Variants in PTAR1 observed in about 807,000 individuals in gnomAD.
The protein encoded by PTAR1 is protein prenyltransferase alpha subunit repeat-containing protein 1.
Under a neutral mutation model 45.5 loss-of-function variants are expected in PTAR1, and 17 were observed. That is an observed-to-expected ratio of 0.37 (90% CI 0.26 to 0.56). The LOEUF (loss-of-function observed/expected upper bound fraction) is 0.56, where lower values mean the gene tolerates loss of function less well. PTAR1 is among the 20% of genes least tolerant of loss of function. PTAR1 has a pLI of 0.77. For missense variants in PTAR1, 391 were observed against 476.3 expected, an observed-to-expected ratio of 0.82 and a Z score of 1.67; for synonymous variants, 169 against 171.3, an observed-to-expected ratio of 0.99 and a Z score of 0.11.
At chr9:69,723,957 C>T (rs547164442) in intron 5 of PTAR1, among the ~76,000 whole-genome samples, 1 of 152,084 alleles carries the variant, frequency 6.6e-6, no homozygotes, top group African/African-American at 2.4e-5. Flanking sequence ...TAATGATGAG[C>T]ATTAGGGTAT....
Position 69,723,306 on chromosome 9 carries a change from T to TA in PTAR1, c.947+19dup. On this transcript the variant is annotated intron_variant, in intron 6 of 7. Coordinates refer to ENST00000340434, the MANE Select transcript of PTAR1 (RefSeq NM_001099666.2). The stretch of plus-strand genomic sequence containing the variant: ...AAGACATGCAGTTTTGTGTAGGAAA[T>TA]AGATTTTCCCTTTTCTTACCTATGA... 2 of 1,601,886 alleles carry TA rather than the reference T, an allele frequency of 1.2e-6. No homozygotes were observed.
chr9:69,726,969 T>C (rs1224443640), intron 5 of PTAR1, among the ~76,000 whole-genome samples: 1 of 151,786 alleles, frequency 6.6e-6, no homozygotes, highest in African/African-American at 2.4e-5. Flanking sequence ...TTCTTTTTTT[T>C]CTTTTCTCCC....
intron 3 of PTAR1, among the ~76,000 whole-genome samples, chr9:69,741,079 T>C (rs193185506): frequency 5.5e-4 from 84 of 152,188 alleles, no homozygotes; most frequent in Admixed American, 1.2e-3. Context: ...CCCTAGAAAA[T>C]AGAATGTCTC....
intron 6 of PTAR1, among the ~76,000 whole-genome samples, chr9:69,721,161 T>C (rs1824982766): frequency 6.6e-6 from 1 of 152,206 alleles, no homozygotes; most frequent in African/African-American, 2.4e-5. Flanking sequence ...TTAAGAACGT[T>C]TGTGATTCAT....
At chr9:69,718,802 T>C (rs959505101) in intron 6 of PTAR1, 118 bp from the exon 7 acceptor site, 1 of 671,646 alleles carries the variant, frequency 1.5e-6, no homozygotes, top group African/African-American at 1.8e-5. Context: ...GCCCATTTCA[T>C]AACCAAGTTA....
rs779603905 is a variant in PTAR1 at position 69,744,238 on chromosome 9, G to A, written c.257-2380C>T. ...TGTCCTATGAACACACGTCCTACCCGCCTACCTTCTTTTCTCGGAACATAA... is the reference window on the plus strand; with the variant it reads ...TGTCCTATGAACACACGTCCTACCCACCTACCTTCTTTTCTCGGAACATAA... On this transcript the variant is annotated intron_variant, in intron 2 of 7. Coordinates refer to ENST00000340434, the MANE Select transcript of PTAR1 (RefSeq NM_001099666.2). Among the ~76,000 whole-genome samples, 4 of 151,714 alleles carry A rather than the reference G, an allele frequency of 2.6e-5. No homozygotes were observed. The South Asian group carries it at 6.2e-4, about 24-fold the overall frequency.
chr9:69,719,736 C>G (rs1391680118), intron 6 of PTAR1, among the ~76,000 whole-genome samples: 1 of 152,138 alleles, frequency 6.6e-6, no homozygotes, highest in Non-Finnish European at 1.5e-5. Flanking sequence ...AGTCTATCAG[C>G]ACAATTTTTC....
At chr9:69,723,201 C>G in intron 6 of PTAR1, 125 bp downstream of exon 6, 2 of 765,574 alleles carry the variant, frequency 2.6e-6, no homozygotes, top group East Asian at 4.9e-5. Context: ...TTCACTCAGG[C>G]AAAGCTCCAC....
At chr9:69,728,052 A>T (rs575634464) in intron 5 of PTAR1, among the ~76,000 whole-genome samples, 2 of 152,154 alleles carry the variant, frequency 1.3e-5, no homozygotes, top group Non-Finnish European at 2.9e-5. Flanking sequence ...ATCATACAAT[A>T]TGTGGCCTTG....
rs1311399173 is a variant in PTAR1 at position 69,732,184 on chromosome 9, G to C, written c.597C>G (p.Ser199=). The change falls in exon 5 of 8, where the codon TCC becomes TCG. Residue 199 remains serine (S), a synonymous_variant. Transcript: ENST00000340434. ...AGTGCTGTAAAACCCAGATGCGATG[G>C]GACCAAGCATTATAGTTGCTTGGGT... is the stretch of plus-strand genomic sequence containing the variant. The part of the protein sequence containing the change: ...GRYPSNYNAW[S]HRIWVLQHLA... 1.9e-6 allele frequency: 3 copies of C among 1,613,588 alleles called. No individual in the cohort carries two copies. Among genetic ancestry groups the C allele is most frequent in the East Asian group, 4.5e-5 (2 of 44,852 alleles).
At position 69,712,549 on chromosome 9, in the gene PTAR1, T is replaced by C. The variant is rs769556795; in HGVS notation, c.*5793A>G. The C allele has an allele frequency of 2.0e-5, 3 of 152,176 alleles. No individual in the cohort carries two copies. Among genetic ancestry groups the C allele is most frequent in the African/African-American group, 2.4e-5 (1 of 41,464 alleles). The allele number at this position is 152,176 out of a possible 1,614,324, so 9.4% of individuals were successfully genotyped here. A position where few individuals can be genotyped will look rare whatever the true frequency, so the allele number is the denominator to read the frequency against. ...AAGAATATGGACAATGATGATATGA[T>C]AGCTAAGCTAGTTTTATCTTTCTAG... is the stretch of plus-strand genomic sequence containing the variant. On this transcript the variant is annotated 3_prime_UTR_variant, in exon 8 of 8. Coordinates refer to ENST00000340434, the MANE Select transcript of PTAR1 (RefSeq NM_001099666.2).
chr9:69,739,959 A>G (rs1417195441), intron 3 of PTAR1, among the ~76,000 whole-genome samples: 4 of 152,316 alleles, frequency 2.6e-5, no homozygotes, highest in Non-Finnish European at 5.9e-5. Flanking sequence ...GACCAACCAG[A>G]CATATTTTTT....
chr9:69,734,161 T>C lies in PTAR1; in HGVS notation c.417A>G (p.Thr139=), dbSNP rs762932807. The part of the protein sequence containing the change: ...ALTKFPKSPE[T]WIHRRWVLQQ... ...TAAATTAACCACACCTGTGAATCCA[T>C]GTTTCTGGACTCTTTGGAAACTTGG... The change falls in exon 4 of 8, where the codon ACA becomes ACG. Residue 139 remains threonine, a synonymous_variant. Transcript: ENST00000340434. 4 of 1,568,906 alleles carry C rather than the reference T, an allele frequency of 2.5e-6. No homozygotes were observed. The highest frequency in any genetic ancestry group is 3.5e-6 in the Non-Finnish European group (4 of 1,140,694).
At chr9:69,759,544 C>T (rs10868033) in intron 1 of PTAR1, among the ~76,000 whole-genome samples, 46,172 of 152,034 alleles carry the variant, frequency 0.3, 7,970 homozygotes, top group Admixed American at 0.4. Flanking sequence ...GGAAGGATGT[C>T]GACCTACGGG....
At chr9:69,739,951 C>T (rs918240722) in intron 3 of PTAR1, among the ~76,000 whole-genome samples, 1 of 152,072 alleles carries the variant, frequency 6.6e-6, no homozygotes, top group African/African-American at 2.4e-5. Context: ...CTTCATAAGA[C>T]CAACCAGACA....
intron 5 of PTAR1, 48 bp downstream of exon 5, chr9:69,732,091 T>C: frequency 7.3e-7 from 1 of 1,376,440 alleles, no homozygotes; most frequent in Non-Finnish European, 1.0e-6. Flanking sequence ...TACCAGAAGA[T>C]TTTAAGGGCA....
chr9:69,718,223 C>T lies in PTAR1; in HGVS notation c.*119G>A. ...GAAAGATTTACTATGGACTTTCAAC[C>T]TAAAGACGAAGAACATATGGTTAGC... On this transcript the variant is annotated 3_prime_UTR_variant, in exon 8 of 8. Coordinates refer to ENST00000340434, the MANE Select transcript of PTAR1 (RefSeq NM_001099666.2). The T allele has an allele frequency of 3.1e-6, 2 of 642,928 alleles. No homozygotes were observed. The allele number at this position is 642,928 out of a possible 1,614,324, so 39.8% of individuals were successfully genotyped here. A position where few individuals can be genotyped will look rare whatever the true frequency, so the allele number is the denominator to read the frequency against.
chr9:69,710,449 T>C lies in PTAR1; in HGVS notation c.*7893A>G, dbSNP rs1244145599. 1.3e-5 allele frequency: 2 copies of C among 152,128 alleles called. No individual in the cohort carries two copies. Among genetic ancestry groups the C allele is most frequent in the African/African-American group, 2.4e-5 (1 of 41,442 alleles). 9.4% of individuals were successfully genotyped at this position (152,128 alleles called of 1,614,324 possible). On this transcript the variant is annotated 3_prime_UTR_variant, in exon 8 of 8. Coordinates refer to ENST00000340434, the MANE Select transcript of PTAR1 (RefSeq NM_001099666.2). ...TTCACATTATATTTCTGTTGAACAA[T>C]GTGGACATAGATAATCTACAGTCAT...
intron 6 of PTAR1, among the ~76,000 whole-genome samples, chr9:69,720,075 G>A (rs1199246986): frequency 6.6e-6 from 1 of 152,180 alleles, no homozygotes; most frequent in Non-Finnish European, 1.5e-5. Context: ...TCAAGTGAAA[G>A]GAAGAGTCAC....
Sources: allele counts gnomAD v4.1 joint callset (sites outside exome capture counted in the v4.1 genomes callset), GRCh38; gene constraint gnomAD v4.1.1; transcripts MANE v1.5; gene names NCBI Gene and HGNC (gene_info 2026-07-23, HGNC 2026-07-21).